NTM: variants seen among roughly 807,000 people sequenced by gnomAD.
The protein encoded by NTM is neurotrimin.
In NTM, 13 loss-of-function variants were observed where a neutral mutation model predicts 42.1. The ratio of observed to expected loss-of-function variants is 0.31; its 90% CI spans 0.20 to 0.49. The LOEUF is 0.49. Ranked by LOEUF, NTM falls within the 20% of genes least tolerant of loss-of-function variation. NTM has a pLI of 0.99. For missense variants in NTM, 373 were observed against 452.8 expected (o/e 0.82, Z 1.60); for synonymous variants, 187 against 179.2 (o/e 1.04, Z -0.35).
chr11:131,620,497 C>T (rs1441518957), intron 1 of NTM, among the ~76,000 whole-genome samples: 1 of 152,204 alleles, frequency 6.6e-6, no homozygotes, highest in Non-Finnish European at 1.5e-5. Flanking sequence ...ATCCCACATC[C>T]TGGCTGGCCC....
At chr11:131,880,045 C>T (rs1197244039) in intron 1 of NTM, among the ~76,000 whole-genome samples, 8 of 152,158 alleles carry the variant, frequency 5.3e-5, no homozygotes, top group Non-Finnish European at 7.3e-5. Flanking sequence ...CTGGAGACAT[C>T]GAAACATCAA....
At chr11:131,772,509 C>A (rs893158108) in intron 1 of NTM, among the ~76,000 whole-genome samples, 1 of 152,178 alleles carries the variant, frequency 6.6e-6, no homozygotes, top group South Asian at 2.1e-4. Context: ...GAAAGGACCA[C>A]ATGTCTAGAA....
At chr11:132,254,897 G>A (rs372732926) in intron 4 of NTM, among the ~76,000 whole-genome samples, 1 of 152,084 alleles carries the variant, frequency 6.6e-6, no homozygotes, top group Non-Finnish European at 1.5e-5. Context: ...ATGGGATACC[G>A]GGCAACACCC....
chr11:131,794,879 A>C lies in NTM; in HGVS notation c.83-116685A>C, dbSNP rs550599119. 174 of 985,352 alleles carry C rather than the reference A, an allele frequency of 1.8e-4. No homozygotes were observed. The South Asian group carries it at 4.2e-3, about 24-fold the overall frequency. The allele number at this position is 985,352 out of a possible 1,614,324, so 61.0% of individuals were successfully genotyped here. On this transcript the variant is annotated intron_variant, in intron 1 of 8. Transcript: ENST00000683400. ...AGGTAACGGCCTCCACAGAGAATAT[A>C]TGATGGCCACCCTTGTCACTGCAGG...
At chr11:131,502,520 G>A (rs887912912) in intron 1 of NTM, among the ~76,000 whole-genome samples, 1 of 152,114 alleles carries the variant, frequency 6.6e-6, no homozygotes, top group Non-Finnish European at 1.5e-5. Flanking sequence ...TGGGAGCGGG[G>A]GAAAGTGCTA....
intron 5 of NTM, 35 bp from the exon 6 acceptor site, chr11:132,310,072 AAAGGT>A (rs753212740): frequency 1.3e-6 from 2 of 1,530,820 alleles, no homozygotes. Context: ...AAAAAAAAAA[AAAGGT>A]GGGGGGGCGG....
chr11:131,548,409 C>T (rs1443202963), intron 1 of NTM, among the ~76,000 whole-genome samples: 1 of 152,096 alleles, frequency 6.6e-6, no homozygotes, highest in Non-Finnish European at 1.5e-5. Context: ...AGCCTATCTC[C>T]CTAGAAAGGA....
chr11:131,723,965 A>C (rs1158204154), intron 1 of NTM, among the ~76,000 whole-genome samples: 1 of 152,242 alleles, frequency 6.6e-6, no homozygotes, highest in Non-Finnish European at 1.5e-5. Context: ...AACCGAATAA[A>C]GAATTCATGG....
chr11:131,608,602 G>A (rs994698094), intron 1 of NTM, among the ~76,000 whole-genome samples: 7 of 151,738 alleles, frequency 4.6e-5, no homozygotes, highest in Non-Finnish European at 7.4e-5. Context: ...ATGAAGCCAC[G>A]GCCCTCGATT....
Position 132,321,138 on chromosome 11 carries a change from T to C in NTM, c.934+6435T>C, listed in dbSNP as rs977671604. On this transcript the variant is annotated intron_variant, in intron 7 of 8. Coordinates refer to ENST00000683400, the MANE Select transcript of NTM (RefSeq NM_001352005.2). Reference sequence around the variant, plus strand: ...GAGCGCCTCTCCTCCTCCAAAGGAATGCAGCTCCTCACCAGCAACTGAACA... The same window carrying C: ...GAGCGCCTCTCCTCCTCCAAAGGAACGCAGCTCCTCACCAGCAACTGAACA... Among the ~76,000 whole-genome samples, 32 of 152,288 alleles carry C rather than the reference T, an allele frequency of 2.1e-4. No homozygotes were observed. The East Asian group carries it at 2.1e-3, about 10-fold the overall frequency.
At chr11:131,903,237 T>C (rs2053413612) in intron 1 of NTM, among the ~76,000 whole-genome samples, 1 of 152,330 alleles carries the variant, frequency 6.6e-6, no homozygotes, top group East Asian at 1.9e-4. Flanking sequence ...AGTCTAGTCA[T>C]GGAAGGAGTG....
At chr11:131,674,488 G>T (rs1322364615) in intron 1 of NTM, among the ~76,000 whole-genome samples, 1 of 152,222 alleles carries the variant, frequency 6.6e-6, no homozygotes, top group Non-Finnish European at 1.5e-5. Context: ...CTGCAGCTGG[G>T]ATGCTCTGGC....
At chr11:131,396,482 A>G (rs1454258776) in intron 1 of NTM, among the ~76,000 whole-genome samples, 3 of 152,270 alleles carry the variant, frequency 2.0e-5, no homozygotes, top group African/African-American at 4.8e-5. Context: ...CCAGCCATAA[A>G]AGTATATTTT....
At chr11:131,847,557 A>G (rs573589876) in intron 1 of NTM, among the ~76,000 whole-genome samples, 1 of 152,166 alleles carries the variant, frequency 6.6e-6, no homozygotes, top group Non-Finnish European at 1.5e-5. Flanking sequence ...TAGGAATCCC[A>G]CAGTTCCTTC....
intron 1 of NTM, among the ~76,000 whole-genome samples, chr11:131,890,872 C>A (rs2051220946): frequency 6.6e-6 from 1 of 152,118 alleles, no homozygotes; most frequent in African/African-American, 2.4e-5. Context: ...AGTGGGATGG[C>A]AGGTCTAGGG....
intron 6 of NTM, among the ~76,000 whole-genome samples, chr11:132,310,912 T>C (rs1423265866): frequency 6.6e-6 from 1 of 152,156 alleles, no homozygotes; most frequent in Non-Finnish European, 1.5e-5. Flanking sequence ...TGGCAATTGC[T>C]GTTATCAAAG....
intron 2 of NTM, among the ~76,000 whole-genome samples, chr11:131,944,034 G>A (rs1289458414): frequency 1.3e-5 from 2 of 152,024 alleles, no homozygotes; most frequent in African/African-American, 4.8e-5. Context: ...TGCTCTTTCT[G>A]CTCATAAACT....
At chr11:132,074,542 T>G (rs1017247263) in intron 2 of NTM, among the ~76,000 whole-genome samples, 2 of 76,728 alleles carry the variant, frequency 2.6e-5, no homozygotes, top group Non-Finnish European at 5.4e-5. Flanking sequence ...AATAACAGCT[T>G]TTTTTTTTTA....
intron 3 of NTM, among the ~76,000 whole-genome samples, chr11:132,157,573 T>C (rs2073453042): frequency 6.6e-6 from 1 of 152,188 alleles, no homozygotes; most frequent in African/African-American, 2.4e-5. Context: ...TCGCCTAGCA[T>C]TAAGCTGTGA....
Sources: gnomAD v4.1 joint callset for allele counts (sites outside exome capture counted in the v4.1 genomes callset) on GRCh38, gnomAD v4.1.1 for gene constraint, MANE v1.5 for transcripts, NCBI Gene and HGNC (gene_info 2026-07-23, HGNC 2026-07-21) for gene names.